The following LPIN1 variants were observed in gnomAD, a reference collection of about 807,000 sequenced individuals.
LPIN1 encodes phosphatidate phosphatase LPIN1.
LPIN1 carries 71 observed loss-of-function variants against 107.5 expected under a neutral mutation model. The observed-to-expected ratio is 0.66, with a 90% CI of 0.55 to 0.80. The LOEUF is 0.80. LPIN1 is among the 30% of genes least tolerant of loss of function. LPIN1 has a pLI of 0.00. For synonymous variants in LPIN1, 445 were observed against 452.6 expected (o/e 0.98, Z 0.21); for missense variants, 1,043 against 1,160.6 (o/e 0.90, Z 1.47).
At chr2:11,785,598 G>A (rs1446229920) in intron 10 of LPIN1, among the ~76,000 whole-genome samples, 1 of 152,174 alleles carries the variant, frequency 6.6e-6, no homozygotes, top group African/African-American at 2.4e-5. Flanking sequence ...CCCAGTGGGT[G>A]CAGTCAGCAG....
chr2:11,821,314 C>T (rs975988131), intron 20 of LPIN1, among the ~76,000 whole-genome samples: 12 of 152,118 alleles, frequency 7.9e-5, no homozygotes, highest in African/African-American at 2.4e-4. Context: ...GTCAGGAGTT[C>T]GAGACCAGCC....
chr2:11,787,691 C>T (rs570178029), intron 11 of LPIN1, among the ~76,000 whole-genome samples: 1 of 152,192 alleles, frequency 6.6e-6, no homozygotes, highest in East Asian at 1.9e-4. Context: ...CCTGTAAACT[C>T]AGCACTTTGG....
rs961194020 is a variant in LPIN1, at chr2:11,803,462, AG to A, written c.2013+433del. 1.3e-5 allele frequency among the ~76,000 whole-genome samples: 2 copies of A among 152,222 alleles called. No individual in the cohort carries two copies. The highest frequency in any genetic ancestry group is 2.9e-5 in the Non-Finnish European group (2 of 68,032). ...AGAATTTAGAGAATTTCAGGTAACC[AG>A]GGGCATCACCTGGTCATGGTGTCCT... is the stretch of plus-strand genomic sequence containing the variant. On this transcript the variant is annotated intron_variant, in intron 15 of 20. Coordinates refer to ENST00000674199, the MANE Select transcript of LPIN1 (RefSeq NM_001349206.2). This position sits in a 1 kb window ranked among gnomAD's most constrained non-coding sequence, Gnocchi z 4.2.
intron 5 of LPIN1, among the ~76,000 whole-genome samples, chr2:11,775,831 T>C (rs1286816352): frequency 6.7e-6 from 1 of 148,646 alleles, no homozygotes; most frequent in Non-Finnish European, 1.5e-5. Context: ...CTTTACGTAA[T>C]ATATATAATC....
intron 1 of LPIN1, among the ~76,000 whole-genome samples, chr2:11,701,114 G>A (rs995097183): frequency 7.2e-5 from 11 of 152,156 alleles, no homozygotes; most frequent in Non-Finnish European, 1.3e-4. Context: ...CTTGACACAT[G>A]CTCCCTTTTC....
intron 13 of LPIN1, 59 bp downstream of exon 13, chr2:11,792,065 G>A: frequency 7.0e-7 from 1 of 1,427,478 alleles, no homozygotes; most frequent in Non-Finnish European, 9.8e-7. Flanking sequence ...TGTGTAGTGA[G>A]ATTGGTTTTC....
chr2:11,786,428 C>T lies in LPIN1; in HGVS notation c.1550-646C>T, dbSNP rs577468182. On this transcript the variant is annotated intron_variant, in intron 10 of 20. Coordinates refer to ENST00000674199, the MANE Select transcript of LPIN1 (RefSeq NM_001349206.2). This position sits in a 1 kb window ranked among gnomAD's most constrained non-coding sequence, Gnocchi z 4.1. ...AAGGTACAGCCCAGCTGCCAGAGCC[C>T]GTCAAAGAACTGAGGGTCCGGGGCT... 3.9e-5 allele frequency among the ~76,000 whole-genome samples: 6 copies of T among 152,186 alleles called. No individual in the cohort carries two copies. Among genetic ancestry groups the T allele is most frequent in the African/African-American group, 4.8e-5 (2 of 41,536 alleles).
intron 1 of LPIN1, among the ~76,000 whole-genome samples, chr2:11,708,868 T>C (rs1388794267): frequency 1.3e-5 from 2 of 152,124 alleles, no homozygotes; most frequent in Non-Finnish European, 2.9e-5. Flanking sequence ...CGAATATATA[T>C]TGAGCACTTG....
At chr2:11,801,871 C>A (rs921792210) in intron 14 of LPIN1, among the ~76,000 whole-genome samples, 5 of 151,794 alleles carry the variant, frequency 3.3e-5, no homozygotes, top group Admixed American at 3.3e-4. Flanking sequence ...ATACGTTTAT[C>A]AGAATATTAC....
At chr2:11,775,864 T>G (rs539671232) in intron 5 of LPIN1, among the ~76,000 whole-genome samples, 1 of 147,836 alleles carries the variant, frequency 6.8e-6, no homozygotes, top group Non-Finnish European at 1.5e-5. Context: ...ATATATACTT[T>G]GTAATTATAT....
intron 17 of LPIN1, among the ~76,000 whole-genome samples, chr2:11,813,888 TG>T (rs1434170436): frequency 6.6e-6 from 1 of 151,818 alleles, no homozygotes; most frequent in Non-Finnish European, 1.5e-5. Flanking sequence ...CGCTCCATCC[TG>T]GGGGACAGAG....
Position 11,784,982 on chromosome 2 carries a change from T to C in LPIN1, c.1455T>C (p.Ser485=). The C allele has an allele frequency of 6.2e-7, 1 of 1,613,770 alleles. No individual in the cohort carries two copies. Among genetic ancestry groups the C allele is most frequent in the Non-Finnish European group, 8.5e-7 (1 of 1,179,962 alleles). Residue 485 remains serine (S), a synonymous_variant, in exon 10 of 21, where the codon AGT becomes AGC. Coordinates refer to ENST00000674199, the MANE Select transcript of LPIN1 (RefSeq NM_001349206.2). ...CGGTGGGCAGCTCGGGCGTGGACAG[T>C]GGCGTGGAGAGCACCTCGGACGGGC... ...PQSVGSSGVD[S]GVESTSDGLR... is the part of the protein sequence containing the mutation.
chr2:11,680,429 G>A (rs757544684), intron 1 of LPIN1, among the ~76,000 whole-genome samples: 1 of 151,746 alleles, frequency 6.6e-6, no homozygotes, highest in Non-Finnish European at 1.5e-5. Context: ...GTAACGGGGC[G>A]ATCTGGGGGC....
At chr2:11,712,085 G>A (rs764882395) in intron 1 of LPIN1, among the ~76,000 whole-genome samples, 4 of 152,226 alleles carry the variant, frequency 2.6e-5, no homozygotes, top group Non-Finnish European at 5.9e-5. Flanking sequence ...GGGAGCACGC[G>A]AGGCCTTCGC....
At chr2:11,773,876 G>A in intron 5 of LPIN1, 131 bp downstream of exon 5, 1 of 1,008,122 alleles carries the variant, frequency 9.9e-7, no homozygotes, top group Non-Finnish European at 1.5e-6. Flanking sequence ...ACGGTGTAGA[G>A]TCGGAGGTAC....
At chr2:11,732,905 C>CTGTGTGTGTG (rs774820092) in intron 1 of LPIN1, among the ~76,000 whole-genome samples, 1 of 146,952 alleles carries the variant, frequency 6.8e-6, no homozygotes, top group Admixed American at 6.7e-5. Flanking sequence ...CTCTCTCTCT[C>CTGTGTGTGTG]TCTCTCTGTG....
rs115335225 is a variant in LPIN1 at position 11,696,875 on chromosome 2, G to T, written c.82-16881G>T. Among the ~76,000 whole-genome samples, 1,009 of 152,332 alleles carry T rather than the reference G, an allele frequency of 6.6e-3. 12 individuals are homozygous for T. The highest frequency in any genetic ancestry group is 0.023 in the African/African-American group (955 of 41,570). On this transcript the variant is annotated intron_variant, in intron 1 of 21. Transcript: ENST00000449576. ...TCTCCTGTCAGCCTCGAAGTGTCCTGCGCCCCTCCCTGGCTACGCCCAGGT... is the reference window on the plus strand; with the variant it reads ...TCTCCTGTCAGCCTCGAAGTGTCCTTCGCCCCTCCCTGGCTACGCCCAGGT...
chr2:11,819,504 C>T lies in LPIN1; in HGVS notation c.2423C>T (p.Pro808Leu). Residue 808 changes from proline (P) to leucine (L), a missense_variant, in exon 19 of 21, where the codon CCA becomes CTA. Physicochemically the swap from Pro to Leu is moderately conservative, Grantham distance 98. Coordinates refer to ENST00000674199, the MANE Select transcript of LPIN1 (RefSeq NM_001349206.2). ...ALHREVIEKK[P>L]EKFKVQCLTD... Reference sequence around the variant, plus strand: ...AACAGAGAAGTGATTGAAAAGAAGCCAGAAAAGTTTAAAGTCCAGTGTTTG... The same window carrying T: ...AACAGAGAAGTGATTGAAAAGAAGCTAGAAAAGTTTAAAGTCCAGTGTTTG... 1.2e-6 allele frequency: 2 copies of T among 1,612,092 alleles called. No individual in the cohort carries two copies. The highest frequency in any genetic ancestry group is 1.7e-6 in the Non-Finnish European group (2 of 1,178,142).
At chr2:11,753,989 T>G (rs766857352) in intron 1 of LPIN1, among the ~76,000 whole-genome samples, 1 of 152,098 alleles carries the variant, frequency 6.6e-6, no homozygotes, top group Non-Finnish European at 1.5e-5. Context: ...AGTCCCCAGG[T>G]GCTGAGACAC....
Sources: allele counts gnomAD v4.1 joint callset (sites outside exome capture counted in the v4.1 genomes callset), GRCh38; gene constraint gnomAD v4.1.1; non-coding constraint Gnocchi (gnomAD v3.1); transcripts MANE v1.5; gene names NCBI Gene and HGNC (gene_info 2026-07-23, HGNC 2026-07-21).